The following RPTN variants were observed in gnomAD, a reference collection of about 807,000 sequenced individuals.
RPTN encodes the protein intermediate filament-associated protein.
RPTN carries 4 observed loss-of-function variants against 3.6 expected under a neutral mutation model. The observed-to-expected ratio is 1.12, with a 90% CI of 0.55 to 2.55. The LOEUF (loss-of-function observed/expected upper bound fraction) is 2.55, where lower values mean the gene tolerates loss of function less well. Among genes scored for constraint, RPTN ranks in the 30% most tolerant of loss-of-function variants. The pLI is 0.02. For missense variants in RPTN, 860 were observed against 916.7 expected, an observed-to-expected ratio of 0.94 and a Z score of 0.80; for synonymous variants, 293 against 319.3, an observed-to-expected ratio of 0.92 and a Z score of 0.88.
rs1659216837 is a variant in RPTN at position 152,156,834 on chromosome 1, G to C, written c.265C>G (p.Leu89Val). 6.2e-7 allele frequency: 1 copy of C among 1,614,072 alleles called. No individual in the cohort carries two copies. The highest frequency in any genetic ancestry group is 1.3e-5 in the African/African-American group (1 of 74,928). Residue 89 changes from leucine to valine, a missense_variant, in exon 3 of 3, where the codon CTA becomes GTA. Coordinates refer to ENST00000316073, the MANE Select transcript of RPTN (RefSeq NM_001122965.1). The stretch of plus-strand genomic sequence containing the variant: ...CTGCCTCCATGTGACTTATTGTCTA[G>C]CTTATGATAGCAGGCTTGGACCAAC... The part of the protein sequence containing the change: ...FQLVQACYHK[L>V]DNKSHGGRTS...
chr1:152,155,124 G>C lies in RPTN; in HGVS notation c.1975C>G (p.Gln659Glu), dbSNP rs1659167312. 2 of 1,614,124 alleles carry C rather than the reference G, an allele frequency of 1.2e-6. No homozygotes were observed. Among genetic ancestry groups the C allele is most frequent in the African/African-American group, 2.7e-5 (2 of 75,014 alleles). Residue 659 changes from glutamine (Q) to glutamate (E), a missense_variant, in exon 3 of 3, where the codon CAA becomes GAA. By Grantham distance (29) the Gln-to-Glu change is conservative. Transcript: ENST00000316073. ...WEPEEDSQHHQHKLLAQIQQE... is the reference protein window; with the variant it reads ...WEPEEDSQHHEHKLLAQIQQE... ...TGGATTTGTGCTAAGAGTTTGTGTT[G>C]GTGATGTTGGCTATCCTCTTCAGGC...
chr1:152,155,872 T>G lies in RPTN; in HGVS notation c.1227A>C (p.Gln409His). 3.1e-6 allele frequency: 5 copies of G among 1,612,114 alleles called. No individual in the cohort carries two copies. The highest frequency in any genetic ancestry group is 4.2e-6 in the Non-Finnish European group (5 of 1,179,150). ...QSSHYGQTER[Q>H]GQSSHYSQMD... ...TCTGACTGTAGTGGGAACTCTGGCC[T>G]TGTCTCTCTGTCTGACCATAGTGAG... Residue 409 changes from glutamine to histidine, a missense_variant, in exon 3 of 3, where the codon CAA becomes CAC. Physicochemically the swap from Gln to His is conservative, Grantham distance 24. Transcript: ENST00000316073.
chr1:152,156,997 T>A (rs1659219572), intron 2 of RPTN, 37 bp from the exon 3 acceptor site: 5 of 1,555,314 alleles, frequency 3.2e-6, no homozygotes, highest in Non-Finnish European at 4.4e-6. Flanking sequence ...AATCAGATGC[T>A]GTCTTGTGCA....
Position 152,154,668 on chromosome 1 carries a change from AC to A in RPTN, c.*75del. ...GATTTTTGATTCTGAGATCCTTGAT[AC>A]CTCTCTTTCTCCTCATAGTTTTGTC... is the stretch of plus-strand genomic sequence containing the variant. On this transcript the variant is annotated 3_prime_UTR_variant, in exon 3 of 3. Coordinates refer to ENST00000316073, the MANE Select transcript of RPTN (RefSeq NM_001122965.1). 9 of 1,536,158 alleles carry A rather than the reference AC, an allele frequency of 5.9e-6. No individual in the cohort carries two copies. Among genetic ancestry groups the A allele is most frequent in the Middle Eastern group, 1.7e-4 (1 of 5,726 alleles).
chr1:152,154,771 A>G lies in RPTN; in HGVS notation c.2328T>C (p.His776=), dbSNP rs769641918. The G allele has an allele frequency of 1.2e-6, 2 of 1,613,452 alleles. No individual in the cohort carries two copies. Among genetic ancestry groups the G allele is most frequent in the East Asian group, 2.2e-5 (1 of 44,808 alleles). Residue 776 remains histidine (H), a synonymous_variant, in exon 3 of 3, where the codon CAT becomes CAC. Coordinates refer to ENST00000316073, the MANE Select transcript of RPTN (RefSeq NM_001122965.1). ...QNRQRRDRQT[H]EDEQNHQR The stretch of plus-strand genomic sequence containing the variant: ...ATCTCTGATGGTTCTGCTCGTCTTC[A>G]TGGGTTTGCCTGTCTCGTCTCTGAC...
chr1:152,157,065 C>T, intron 2 of RPTN, 105 bp from the exon 3 acceptor site: 1 of 982,000 alleles, frequency 1.0e-6, no homozygotes, highest in Non-Finnish European at 1.5e-6. Context: ...ACGGACCTTC[C>T]TAGGTTGAAA....
chr1:152,156,879 AC>A lies in RPTN; in HGVS notation c.219del (p.Glu73AspfsTer17). 6.2e-7 allele frequency: 1 copy of A among 1,614,188 alleles called. No individual in the cohort carries two copies. The highest frequency in any genetic ancestry group is 8.5e-7 in the Non-Finnish European group (1 of 1,180,032). The stretch of plus-strand genomic sequence containing the variant: ...ACCAACTGGAACACCAACAAGAGGT[AC>A]TCATGAAAATCAATATGTCCATCTC... ...QDRDGHIDFH[E>X]YLLLVFQLVQ... On this transcript the variant is annotated frameshift_variant, in exon 3 of 3. Transcript: ENST00000316073. LOFTEE classifies it low-confidence loss of function (END_TRUNC).
rs200282084 is a variant in RPTN at position 152,156,929 on chromosome 1, A to G, written c.170T>C (p.Ile57Thr). The change falls in exon 3 of 3, where the codon ATC becomes ACC. Residue 57 changes from isoleucine (I) to threonine (T), a missense_variant. Coordinates refer to ENST00000316073, the MANE Select transcript of RPTN (RefSeq NM_001122965.1). ...RPNDPETVET[I>T]LNLLDQDRDG... ...TCGGTCTTGATCTAAGAGGTTCAAG[A>G]TGGTTTCCACAGTCTCTGGGTCATT... The G allele has an allele frequency of 6.2e-7, 1 of 1,614,062 alleles. No individual in the cohort carries two copies. Among genetic ancestry groups the G allele is most frequent in the Non-Finnish European group, 8.5e-7 (1 of 1,179,968 alleles).
chr1:152,157,347 G>A (rs1659225742), intron 2 of RPTN, among the ~76,000 whole-genome samples: 1 of 152,170 alleles, frequency 6.6e-6, no homozygotes, highest in African/African-American at 2.4e-5. Flanking sequence ...CTTGTGCCTA[G>A]GGGCATAGAG....
chr1:152,153,614 A>G lies in RPTN; in HGVS notation c.*1130T>C, dbSNP rs1332655147. 1.3e-5 allele frequency: 2 copies of G among 152,304 alleles called. No homozygotes were observed. The highest frequency in any genetic ancestry group is 1.5e-5 in the Non-Finnish European group (1 of 68,044). The allele number at this position is 152,304 out of a possible 1,614,324, so 9.4% of individuals were successfully genotyped here. ...GACAGTTATTGCTCATCAATTATTT[A>G]TTAGATATTTTAATACAATTCATAA... On this transcript the variant is annotated 3_prime_UTR_variant, in exon 3 of 3. Transcript: ENST00000316073.
intron 2 of RPTN, among the ~76,000 whole-genome samples, chr1:152,157,201 A>G (rs1252588602): frequency 6.6e-6 from 1 of 152,228 alleles, no homozygotes; most frequent in Admixed American, 6.5e-5. Flanking sequence ...CATCTCCATT[A>G]GTAATTAATT....
rs1659154275 is a variant in RPTN at position 152,154,688 on chromosome 1, T to C, written c.*56A>G. Reference sequence around the variant, plus strand: ...TTGATACCTCTCTTTCTCCTCATAGTTTTGTCTATTATGTTGTTGCTGATG... The same window carrying C: ...TTGATACCTCTCTTTCTCCTCATAGCTTTGTCTATTATGTTGTTGCTGATG... On this transcript the variant is annotated 3_prime_UTR_variant, in exon 3 of 3. Transcript: ENST00000316073. The C allele has an allele frequency of 6.3e-7, 1 of 1,584,708 alleles. No individual in the cohort carries two copies. Among genetic ancestry groups the C allele is most frequent in the South Asian group, 1.2e-5 (1 of 85,998 alleles).
In RPTN at chr1:152,154,589, T is replaced by A. The variant is rs1659152842; in HGVS notation, c.*155A>T. 2 of 1,057,146 alleles carry A rather than the reference T, an allele frequency of 1.9e-6. No individual in the cohort carries two copies. The highest frequency in any genetic ancestry group is 4.7e-5 in the East Asian group (2 of 42,206). 65.5% of individuals were successfully genotyped at this position (1,057,146 alleles called of 1,614,324 possible). A position where few individuals can be genotyped will look rare whatever the true frequency, so the allele number is the denominator to read the frequency against. ...TTTCTGTGAGCCTTGGCTCTGGTCA[T>A]CCTCTTTCATGTGGAATTTTTCTCT... On this transcript the variant is annotated 3_prime_UTR_variant, in exon 3 of 3. Coordinates refer to ENST00000316073, the MANE Select transcript of RPTN (RefSeq NM_001122965.1).
chr1:152,154,590 CCT>C lies in RPTN; in HGVS notation c.*152_*153del. On this transcript the variant is annotated 3_prime_UTR_variant, in exon 3 of 3. Coordinates refer to ENST00000316073, the MANE Select transcript of RPTN (RefSeq NM_001122965.1). ...TTCTGTGAGCCTTGGCTCTGGTCAT[CCT>C]CTTTCATGTGGAATTTTTCTCTGTT... 1 of 1,068,774 alleles carries C rather than the reference CCT, an allele frequency of 9.4e-7. No homozygotes were observed. 66.2% of individuals were successfully genotyped at this position (1,068,774 alleles called of 1,614,324 possible). A position where few individuals can be genotyped will look rare whatever the true frequency, so the allele number is the denominator to read the frequency against.
rs2101558239 is a variant in RPTN at position 152,156,811 on chromosome 1, G to C, written c.288C>G (p.Gly96=). 6.2e-7 allele frequency: 1 copy of C among 1,614,148 alleles called. No homozygotes were observed. Among genetic ancestry groups the C allele is most frequent in the Non-Finnish European group, 8.5e-7 (1 of 1,180,008 alleles). The stretch of plus-strand genomic sequence containing the variant: ...GCCCCCTTTCTTGCTGTGAGGTCCT[G>C]CCTCCATGTGACTTATTGTCTAGCT... ...YHKLDNKSHG[G]RTSQQERGQE... is the part of the protein sequence containing the mutation. The change falls in exon 3 of 3, where the codon GGC becomes GGG. Residue 96 remains glycine, a synonymous_variant. Coordinates refer to ENST00000316073, the MANE Select transcript of RPTN (RefSeq NM_001122965.1).
chr1:152,154,467 T>A lies in RPTN; in HGVS notation c.*277A>T. 2 of 541,816 alleles carry A rather than the reference T, an allele frequency of 3.7e-6. No homozygotes were observed. The highest frequency in any genetic ancestry group is 4.9e-5 in the South Asian group (2 of 40,512). 33.6% of individuals were successfully genotyped at this position (541,816 alleles called of 1,614,324 possible). On this transcript the variant is annotated 3_prime_UTR_variant, in exon 3 of 3. Coordinates refer to ENST00000316073, the MANE Select transcript of RPTN (RefSeq NM_001122965.1). ...TCTTGCACATAGTCATAGGGGGGGT[T>A]GGGAACAGTAGCTCCCTTGGCAGGG... is the stretch of plus-strand genomic sequence containing the variant.
intron 1 of RPTN, 129 bp downstream of exon 1, chr1:152,159,055 A>T (rs1478381656): frequency 1.3e-5 from 2 of 152,820 alleles, no homozygotes; most frequent in African/African-American, 4.8e-5. Context: ...TAGAGCCAGA[A>T]AAAGGAAGCA....
rs918704177 is a variant in RPTN, at chr1:152,155,247, T to G, written c.1852A>C (p.Arg618=). Residue 618 remains arginine (R), a synonymous_variant, in exon 3 of 3, where the codon AGG becomes CGG. Transcript: ENST00000316073. ...SYVEQSGRSG[R]LSQQTPGQEG... Reference sequence around the variant, plus strand: ...TGTCCTGGAGTCTGTTGACTTAGCCTCCCTGATCTTCCTGATTGTTCAACA... The same window carrying G: ...TGTCCTGGAGTCTGTTGACTTAGCCGCCCTGATCTTCCTGATTGTTCAACA... 8 of 1,614,250 alleles carry G rather than the reference T, an allele frequency of 5.0e-6. No homozygotes were observed. The highest frequency in any genetic ancestry group is 3.3e-5 in the Admixed American group (2 of 60,036).
rs1363786576 is a variant in RPTN, at chr1:152,157,739, CTGTG to C, written c.138+9_138+12del. 3.1e-6 allele frequency: 5 copies of C among 1,613,662 alleles called. No homozygotes were observed. Among genetic ancestry groups the C allele is most frequent in the Non-Finnish European group, 4.2e-6 (5 of 1,179,778 alleles). On this transcript the variant is annotated intron_variant, in intron 2 of 2. Coordinates refer to ENST00000316073, the MANE Select transcript of RPTN (RefSeq NM_001122965.1). Reference sequence around the variant, plus strand: ...CACTTGATCTCATGGGGCTGTGTGTCTGTGTATCTTACCTGGAGGATGTCTCCAA... The same window carrying C: ...CACTTGATCTCATGGGGCTGTGTGTCTATCTTACCTGGAGGATGTCTCCAA...
Sources: allele counts gnomAD v4.1 joint callset (sites outside exome capture counted in the v4.1 genomes callset), GRCh38; gene constraint gnomAD v4.1.1; transcripts MANE v1.5; gene names NCBI Gene and HGNC (gene_info 2026-07-23, HGNC 2026-07-21).